The following SLC39A11 variants were observed in gnomAD, a reference collection of about 807,000 sequenced individuals.
SLC39A11 encodes solute carrier family 39 member 11, also known as zinc transporter ZIP11.
Under a neutral mutation model 36.1 loss-of-function variants are expected in SLC39A11, and 33 were observed. The ratio of observed to expected loss-of-function variants is 0.91; its 90% CI spans 0.69 to 1.22. The LOEUF is 1.22. Among genes scored for constraint, SLC39A11 ranks in the 50% most tolerant of loss-of-function variants. The pLI is 0.00. For synonymous variants in SLC39A11, 166 were observed against 170.3 expected (o/e 0.97, Z 0.20); for missense variants, 432 against 430.3 (o/e 1.00, Z -0.03).
chr17:73,048,732 G>A (rs2059399774), intron 3 of SLC39A11, among the ~76,000 whole-genome samples: 1 of 152,152 alleles, frequency 6.6e-6, no homozygotes, highest in Admixed American at 6.5e-5. Flanking sequence ...GATTATGTGT[G>A]CCAAATTCTC....
At chr17:72,774,876 G>A (rs930491778) in intron 6 of SLC39A11, among the ~76,000 whole-genome samples, 2 of 152,070 alleles carry the variant, frequency 1.3e-5, no homozygotes, top group African/African-American at 4.8e-5. Context: ...AGTCTAGGAT[G>A]ACTTGGAGCG....
At chr17:72,792,042 T>C (rs1436452498) in intron 6 of SLC39A11, among the ~76,000 whole-genome samples, 1 of 152,212 alleles carries the variant, frequency 6.6e-6, no homozygotes, top group East Asian at 1.9e-4. Context: ...GAGGGTTAGG[T>C]CATTTTCACA....
At chr17:72,716,981 AT>A (rs59709321) in intron 7 of SLC39A11, among the ~76,000 whole-genome samples, 16,958 of 112,002 alleles carry the variant, frequency 0.15, 1,299 homozygotes, top group African/African-American at 0.22. Flanking sequence ...AAAAAAAAAA[AT>A]ATATATATAT....
At position 73,088,299 on chromosome 17, in the gene SLC39A11, AAAAAAG is replaced by A. The variant is rs535606148; in HGVS notation, c.108+352_108+357del. Among the ~76,000 whole-genome samples, 1,147 of 151,384 alleles carry A rather than the reference AAAAAAG, an allele frequency of 7.6e-3. 20 individuals are homozygous for A. The highest frequency in any genetic ancestry group is 0.024 in the African/African-American group (985 of 41,316). ...ACAGAGCAAGATTCTGTCTCAAAAA[AAAAAAG>A]AAAAAAGAAAAAAGAAAAGAAATTA... On this transcript the variant is annotated intron_variant, in intron 2 of 9. Coordinates refer to ENST00000255559, the MANE Select transcript of SLC39A11 (RefSeq NM_139177.4).
At chr17:72,845,925 T>G (rs1163469740) in intron 6 of SLC39A11, among the ~76,000 whole-genome samples, 2 of 152,066 alleles carry the variant, frequency 1.3e-5, no homozygotes, top group Non-Finnish European at 2.9e-5. Flanking sequence ...TTTACTATTA[T>G]TTTTGAGACG....
chr17:73,008,187 G>C (rs1025182695), intron 4 of SLC39A11, among the ~76,000 whole-genome samples: 20 of 136,118 alleles, frequency 1.5e-4, no homozygotes, highest in African/African-American at 5.0e-4. Context: ...TTGAGATGGG[G>C]TCTTACTAAA....
intron 5 of SLC39A11, chr17:72,947,549 G>T: frequency 2.8e-6 from 2 of 723,788 alleles, no homozygotes; most frequent in African/African-American, 1.8e-5. Flanking sequence ...TAAGCATGTG[G>T]TTTGGACAAC....
intron 5 of SLC39A11, among the ~76,000 whole-genome samples, chr17:72,867,021 C>T (rs936086967): frequency 1.3e-5 from 2 of 152,082 alleles, no homozygotes; most frequent in Non-Finnish European, 2.9e-5. Context: ...TTGTAAAATA[C>T]AAACGAACAA....
intron 7 of SLC39A11, among the ~76,000 whole-genome samples, chr17:72,679,911 G>A (rs1417827305): frequency 4.6e-5 from 7 of 151,868 alleles, no homozygotes; most frequent in South Asian, 2.1e-4. Flanking sequence ...GCGTGGTGGC[G>A]CATGCCTGTA....
intron 4 of SLC39A11, among the ~76,000 whole-genome samples, chr17:72,968,675 C>T (rs2087198941): frequency 6.6e-6 from 1 of 152,056 alleles, no homozygotes; most frequent in African/African-American, 2.4e-5. Flanking sequence ...GGCTACAGAA[C>T]TCTACACAAA....
At chr17:72,900,004 AAG>A (rs773613706) in intron 5 of SLC39A11, among the ~76,000 whole-genome samples, 10 of 128,532 alleles carry the variant, frequency 7.8e-5, no homozygotes, top group East Asian at 2.1e-4. Context: ...GAGAGAGAGA[AAG>A]AGAGAGAGAG....
chr17:73,074,664 T>C (rs1437451682), intron 3 of SLC39A11, among the ~76,000 whole-genome samples: 2 of 152,144 alleles, frequency 1.3e-5, no homozygotes, highest in African/African-American at 2.4e-5. Context: ...CTGGTCACTA[T>C]CATTCCTCCA....
At chr17:72,954,909 G>A (rs563760623) in intron 4 of SLC39A11, among the ~76,000 whole-genome samples, 49 of 152,182 alleles carry the variant, frequency 3.2e-4, no homozygotes, top group Non-Finnish European at 6.2e-4. Context: ...GGTCACCGCT[G>A]TCTTCTTTGC....
chr17:72,923,015 C>G (rs2466526), intron 5 of SLC39A11, among the ~76,000 whole-genome samples: 2 of 149,392 alleles, frequency 1.3e-5, no homozygotes, highest in Admixed American at 1.3e-4. Flanking sequence ...GAAACCCCCT[C>G]TCCCCACACT....
At chr17:72,980,173 C>CA (rs926079143) in intron 4 of SLC39A11, among the ~76,000 whole-genome samples, 2 of 152,024 alleles carry the variant, frequency 1.3e-5, no homozygotes, top group African/African-American at 4.8e-5. Context: ...CGATTATTAA[C>CA]AAAAAAAGGT....
intron 1 of SLC39A11, among the ~76,000 whole-genome samples, chr17:73,090,383 G>C (rs1040681535): frequency 1.3e-5 from 2 of 151,952 alleles, no homozygotes; most frequent in Non-Finnish European, 2.9e-5. Flanking sequence ...TGAAAACTGT[G>C]ACCACGCCAA....
intron 6 of SLC39A11, among the ~76,000 whole-genome samples, chr17:72,802,806 A>G (rs1410914439): frequency 6.6e-6 from 1 of 152,146 alleles, no homozygotes; most frequent in Non-Finnish European, 1.5e-5. Context: ...GCCAGGAGAC[A>G]AAAAGAGGCT....
intron 7 of SLC39A11, among the ~76,000 whole-genome samples, chr17:72,705,951 T>C (rs1295233980): frequency 6.6e-6 from 1 of 152,212 alleles, no homozygotes; most frequent in Non-Finnish European, 1.5e-5. Flanking sequence ...TTCTATTCTC[T>C]GTACATTTTT....
intron 7 of SLC39A11, among the ~76,000 whole-genome samples, chr17:72,707,958 G>A (rs920270179): frequency 6.6e-6 from 1 of 152,178 alleles, no homozygotes; most frequent in Non-Finnish European, 1.5e-5. Flanking sequence ...TCTAATTTCT[G>A]CAGAACAATA....
Sources: allele counts gnomAD v4.1 joint callset (sites outside exome capture counted in the v4.1 genomes callset), GRCh38; gene constraint gnomAD v4.1.1; transcripts MANE v1.5; gene names NCBI Gene and HGNC (gene_info 2026-07-23, HGNC 2026-07-21).